The following COL5A1 variants were observed in gnomAD, a reference collection of about 807,000 sequenced individuals.
The protein encoded by COL5A1 is collagen alpha-1(V) chain.
COL5A1 carries 16 observed loss-of-function variants against 263.7 expected under a neutral mutation model. That is an observed-to-expected ratio of 0.06 (90% confidence interval 0.04 to 0.09). The LOEUF (loss-of-function observed/expected upper bound fraction) is 0.09, where lower values mean the gene tolerates loss of function less well. Among genes scored for constraint, COL5A1 ranks in the 10% least tolerant of loss-of-function variants. COL5A1 has a pLI of 1.00. For synonymous variants in COL5A1, 1,012 were observed against 1,004.5 expected (o/e 1.01, Z -0.14); for missense variants, 2,036 against 2,540.5 (o/e 0.80, Z 4.27).
rs1021515959 is a variant in COL5A1, at chr9:134,642,530, C to G, written c.109+234C>G. On this transcript the variant is annotated intron_variant, in intron 1 of 65. Transcript: ENST00000371817. The surrounding 1 kb of genome is among the most constrained non-coding windows in gnomAD (Gnocchi z 4.5). Reference sequence around the variant, plus strand: ...AGACGGGCGGGTCGGGTGGGGCTGTCGCGCGAGCCGAGGAAGGACCGAGGG... The same window carrying G: ...AGACGGGCGGGTCGGGTGGGGCTGTGGCGCGAGCCGAGGAAGGACCGAGGG... 6.6e-6 allele frequency among the ~76,000 whole-genome samples: 1 copy of G among 151,994 alleles called. No homozygotes were observed. Among genetic ancestry groups the G allele is most frequent in the Non-Finnish European group, 1.5e-5 (1 of 67,958 alleles).
chr9:134,785,196 G>A, intron 30 of COL5A1, 100 bp downstream of exon 30: 1 of 876,170 alleles, frequency 1.1e-6, no homozygotes, highest in South Asian at 1.5e-5. Flanking sequence ...CCTAGGCATG[G>A]GGTGGGGGTG....
chr9:134,750,225 C>A (rs975175191), intron 11 of COL5A1, among the ~76,000 whole-genome samples: 2 of 152,200 alleles, frequency 1.3e-5, no homozygotes, highest in African/African-American at 4.8e-5. Context: ...ACTGCCTCCT[C>A]ACCTTCGGGC....
intron 6 of COL5A1, among the ~76,000 whole-genome samples, chr9:134,729,854 G>C (rs1283410294): frequency 5.9e-5 from 9 of 152,170 alleles, no homozygotes; most frequent in African/African-American, 2.2e-4. Flanking sequence ...GTGTGTGAGC[G>C]TGTGTGTATC....
chr9:134,788,066 CAGAT>C (rs1418156379), intron 31 of COL5A1, among the ~76,000 whole-genome samples: 6 of 151,170 alleles, frequency 4.0e-5, no homozygotes, highest in Non-Finnish European at 5.9e-5. Context: ...GATGGATAGA[CAGAT>C]AGATGGGTTG....
chr9:134,795,225 G>A (rs1354018005), intron 33 of COL5A1, 37 bp from the exon 34 acceptor site: 5 of 1,613,622 alleles, frequency 3.1e-6, no homozygotes, highest in Non-Finnish European at 3.4e-6. Context: ...TGTGTGTCGG[G>A]ACTTGAGCTG....
chr9:134,813,499 G>A (rs367740919), intron 48 of COL5A1, among the ~76,000 whole-genome samples: 1 of 152,212 alleles, frequency 6.6e-6, no homozygotes, highest in Non-Finnish European at 1.5e-5. Context: ...GATGGTGTGC[G>A]GCTTCTGCTC....
In COL5A1 at chr9:134,754,190, CGAT is replaced by C. The variant is rs1211866938; in HGVS notation, c.1774-80_1774-78del. Reference sequence around the variant, plus strand: ...TTGGACAGCCAGGCATGGGCAGGGTCGATGAGCACAGGGACAAGGCTTTGCTCT... The same window carrying C: ...TTGGACAGCCAGGCATGGGCAGGGTCGAGCACAGGGACAAGGCTTTGCTCT... On this transcript the variant is annotated intron_variant, in intron 15 of 65. Coordinates refer to ENST00000371817, the MANE Select transcript of COL5A1 (RefSeq NM_000093.5). This position sits in a 1 kb window ranked among gnomAD's most constrained non-coding sequence, Gnocchi z 4.3. 1 of 1,453,200 alleles carries C rather than the reference CGAT, an allele frequency of 6.9e-7. No homozygotes were observed. The highest frequency in any genetic ancestry group is 1.4e-5 in the African/African-American group (1 of 71,812). 90.0% of individuals were successfully genotyped at this position (1,453,200 alleles called of 1,614,324 possible).
intron 31 of COL5A1, among the ~76,000 whole-genome samples, chr9:134,787,296 C>T (rs979839142): frequency 1.3e-5 from 2 of 152,190 alleles, no homozygotes; most frequent in Non-Finnish European, 2.9e-5. Context: ...CACAGTGACC[C>T]GGTTTCTGAA....
At chr9:134,727,046 C>CGGATGGAT (rs71381829) in intron 4 of COL5A1, among the ~76,000 whole-genome samples, 32 of 103,210 alleles carry the variant, frequency 3.1e-4, no homozygotes, top group South Asian at 1.3e-3. Context: ...GATGAGTGAA[C>CGGATGGAT]GGATGGATGG....
intron 26 of COL5A1, among the ~76,000 whole-genome samples, chr9:134,773,414 G>A (rs1415859188): frequency 6.6e-6 from 1 of 152,198 alleles, no homozygotes; most frequent in Admixed American, 6.5e-5. Flanking sequence ...GCCTCCAGAC[G>A]GGAGGAGTAG....
intron 4 of COL5A1, among the ~76,000 whole-genome samples, chr9:134,712,042 C>CCCCCTTCTTCCTGGT (rs143305392): frequency 0.83 from 71,246 of 86,278 alleles, 29,923 homozygotes; most frequent in Admixed American, 0.89. Flanking sequence ...CTTCTTCCTG[C>CCCCCTTCTTCCTGGT]CCCCTTCTTC....
chr9:134,738,936 C>G (rs968278435), intron 11 of COL5A1, 128 bp downstream of exon 11: 6 of 773,962 alleles, frequency 7.8e-6, no homozygotes, highest in Non-Finnish European at 1.4e-5. Context: ...TCAAATCCCC[C>G]CTCACCCAGG....
chr9:134,822,873 G>T, intron 59 of COL5A1, 125 bp from the exon 60 acceptor site: 1 of 1,082,354 alleles, frequency 9.2e-7, no homozygotes, highest in South Asian at 1.3e-5. Flanking sequence ...TACAAGCATA[G>T]ACTCTTGAGG....
chr9:134,814,125 A>G, intron 49 of COL5A1, 89 bp downstream of exon 49: 2 of 1,333,292 alleles, frequency 1.5e-6, no homozygotes, highest in Middle Eastern at 1.8e-4. Context: ...GCTCTGCCTT[A>G]GCTTTTCCAT....
chr9:134,764,031 A>T (rs1386786947), intron 20 of COL5A1, among the ~76,000 whole-genome samples: 1 of 33,814 alleles, frequency 3.0e-5, no homozygotes. Context: ...CATTGTGGGG[A>T]GTCGGGGGCA....
At chr9:134,791,276 C>T (rs67553899) in intron 32 of COL5A1, among the ~76,000 whole-genome samples, 14,588 of 149,840 alleles carry the variant, frequency 0.097, 918 homozygotes, top group East Asian at 0.18. Context: ...CAACACAGAC[C>T]TCAGGCCAAA....
rs547045616 is a variant in COL5A1 at position 134,843,741 on chromosome 9, A to T, written c.*1438A>T. 6.5e-6 allele frequency: 1 copy of T among 152,858 alleles called. No individual in the cohort carries two copies. Among genetic ancestry groups the T allele is most frequent in the African/African-American group, 2.4e-5 (1 of 41,594 alleles). The allele number at this position is 152,858 out of a possible 1,614,324, so 9.5% of individuals were successfully genotyped here. A position where few individuals can be genotyped will look rare whatever the true frequency, so the allele number is the denominator to read the frequency against. On this transcript the variant is annotated 3_prime_UTR_variant, in exon 66 of 66. Coordinates refer to ENST00000371817, the MANE Select transcript of COL5A1 (RefSeq NM_000093.5). ...TGGTGCTAATTTCTGTGTTTGTTCCAAGCCGTTCAGTCATGCCATGCGCTG... is the reference window on the plus strand; with the variant it reads ...TGGTGCTAATTTCTGTGTTTGTTCCTAGCCGTTCAGTCATGCCATGCGCTG...
In COL5A1 at chr9:134,700,166, G is replaced by A. The variant is rs954532909; in HGVS notation, c.491+44G>A. 3.2e-6 allele frequency: 5 copies of A among 1,556,540 alleles called. No homozygotes were observed. The African/African-American group carries it at 5.4e-5, about 17-fold the overall frequency. On this transcript the variant is annotated intron_variant, in intron 3 of 65. Coordinates refer to ENST00000371817, the MANE Select transcript of COL5A1 (RefSeq NM_000093.5). The surrounding 1 kb of genome is among the most constrained non-coding windows in gnomAD (Gnocchi z 4.0). ...GCAACTGTCCCCCTGCTGGAGGGGG[G>A]ATCAGGCCAGCTCATACCACTGACC...
chr9:134,762,761 G>A (rs563791881), intron 19 of COL5A1, among the ~76,000 whole-genome samples: 17 of 152,316 alleles, frequency 1.1e-4, no homozygotes, highest in African/African-American at 4.1e-4. Context: ...CTTTCAGGCT[G>A]ACATGGACGG....
Sources: gnomAD v4.1 joint callset for allele counts (sites outside exome capture counted in the v4.1 genomes callset) on GRCh38, gnomAD v4.1.1 for gene constraint, Gnocchi (gnomAD v3.1) non-coding constraint, MANE v1.5 for transcripts, NCBI Gene and HGNC (gene_info 2026-07-23, HGNC 2026-07-21) for gene names.